Variants in SCAPER observed in about 807,000 individuals in gnomAD.
The protein encoded by SCAPER is S phase cyclin A-associated protein in the endoplasmic reticulum.
SCAPER carries 98 observed loss-of-function variants against 182.2 expected under a neutral mutation model. The ratio of observed to expected loss-of-function variants is 0.54; its 90% CI spans 0.46 to 0.64. The LOEUF (loss-of-function observed/expected upper bound fraction) is 0.64. Among genes scored for constraint, SCAPER ranks in the 30% least tolerant of loss-of-function variants. The pLI is 0.00. For synonymous variants in SCAPER, 605 were observed against 564.6 expected (o/e 1.07, Z -1.01); for missense variants, 1,432 against 1,690.0 (o/e 0.85, Z 2.68).
chr15:76,507,749 TAC>T (rs1272444916), intron 23 of SCAPER, among the ~76,000 whole-genome samples: 9 of 152,160 alleles, frequency 5.9e-5, no homozygotes, highest in Non-Finnish European at 1.3e-4. Flanking sequence ...AGACGACTCA[TAC>T]ACTTAAGATT....
intron 21 of SCAPER, among the ~76,000 whole-genome samples, chr15:76,641,018 G>A (rs1381401217): frequency 6.6e-6 from 1 of 152,138 alleles, no homozygotes; most frequent in Non-Finnish European, 1.5e-5. Context: ...TGTCCATATG[G>A]ATAAGATAGG....
chr15:76,668,580 G>A (rs1471437815), intron 20 of SCAPER, among the ~76,000 whole-genome samples: 2 of 152,150 alleles, frequency 1.3e-5, no homozygotes, highest in Admixed American at 6.5e-5. Flanking sequence ...ATTCTCTTGG[G>A]TATTTACGTG....
At position 76,890,169 on chromosome 15, in the gene SCAPER, TG is replaced by T. The variant is rs2074084630; in HGVS notation, c.-59-6294del. ...AATCTCTAGGACACATTTAACACAG[TG>T]GGTAGAGGGAAATTTATAGCACTAA... On this transcript the variant is annotated intron_variant, in intron 1 of 31. Transcript: ENST00000563290. Among the ~76,000 whole-genome samples the T allele has an allele frequency of 3.3e-5, 5 of 152,152 alleles. No homozygotes were observed. In the South Asian group the frequency reaches 1.0e-3, roughly 32 times the overall value.
chr15:76,356,556 T>C (rs1267247087), intron 29 of SCAPER, among the ~76,000 whole-genome samples: 1 of 152,112 alleles, frequency 6.6e-6, no homozygotes, highest in Non-Finnish European at 1.5e-5. Context: ...TTAAGAGACA[T>C]CTCAGATTTA....
intron 20 of SCAPER, among the ~76,000 whole-genome samples, chr15:76,673,677 T>A (rs1025901656): frequency 6.6e-6 from 1 of 152,138 alleles, no homozygotes; most frequent in Non-Finnish European, 1.5e-5. Context: ...CCAGTAGCAA[T>A]GAGCATCTCT....
intron 24 of SCAPER, among the ~76,000 whole-genome samples, chr15:76,477,441 C>T (rs1465095073): frequency 6.6e-6 from 1 of 152,048 alleles, no homozygotes; most frequent in Admixed American, 6.6e-5. Flanking sequence ...ACAGCACAAC[C>T]CATGTTTACA....
chr15:76,644,779 C>T (rs1024900670), intron 21 of SCAPER, among the ~76,000 whole-genome samples: 3 of 152,042 alleles, frequency 2.0e-5, no homozygotes, highest in African/African-American at 7.2e-5. Context: ...TATCACAGCT[C>T]CATTAAAGCA....
chr15:76,805,854 A>G (rs1015210054), intron 5 of SCAPER, among the ~76,000 whole-genome samples: 2 of 152,178 alleles, frequency 1.3e-5, no homozygotes, highest in African/African-American at 4.8e-5. Context: ...GGTGTGATCC[A>G]CCGTGCCCAG....
chr15:76,837,017 A>C (rs2069012656), intron 5 of SCAPER, among the ~76,000 whole-genome samples: 1 of 152,180 alleles, frequency 6.6e-6, no homozygotes, highest in African/African-American at 2.4e-5. Context: ...TTGCAACAAA[A>C]ACAAAAATAA....
chr15:76,608,806 G>C lies in SCAPER; in HGVS notation c.2711+12958C>G, dbSNP rs148615400. On this transcript the variant is annotated intron_variant, in intron 22 of 31. Transcript: ENST00000563290. ...CTAGCAATGAGTGAGACTCCGTTGG[G>C]GTAGGACCCTCTGAGCCAGGTGAGG... 3.2e-3 allele frequency among the ~76,000 whole-genome samples: 484 copies of C among 152,306 alleles called. 5 individuals carry two copies. The highest frequency in any genetic ancestry group is 0.011 in the African/African-American group (461 of 41,564).
intron 23 of SCAPER, among the ~76,000 whole-genome samples, chr15:76,572,489 T>C (rs986408081): frequency 1.8e-4 from 27 of 152,226 alleles, no homozygotes; most frequent in African/African-American, 6.5e-4. Flanking sequence ...CCACACTGAA[T>C]AGGCTGCTTT....
At chr15:76,540,026 A>C (rs1259417093) in intron 23 of SCAPER, among the ~76,000 whole-genome samples, 2 of 152,234 alleles carry the variant, frequency 1.3e-5, no homozygotes, top group African/African-American at 4.8e-5. Flanking sequence ...CAACTATTCC[A>C]TGGAATACTA....
chr15:76,766,796 A>C (rs2063143755), intron 11 of SCAPER, 122 bp downstream of exon 11: 2 of 761,668 alleles, frequency 2.6e-6, no homozygotes, highest in South Asian at 4.2e-5. Context: ...TGATTACTGA[A>C]CATGATTTTT....
chr15:76,603,074 G>A (rs2050047021), intron 22 of SCAPER, among the ~76,000 whole-genome samples: 1 of 109,082 alleles, frequency 9.2e-6, no homozygotes, highest in South Asian at 2.9e-4. Flanking sequence ...TAGGGTACAT[G>A]TGCACAACGT....
chr15:76,390,413 G>A (rs957319405), intron 27 of SCAPER, among the ~76,000 whole-genome samples: 1 of 152,200 alleles, frequency 6.6e-6, no homozygotes, highest in Non-Finnish European at 1.5e-5. Flanking sequence ...AAAGGACAAG[G>A]CCACTAAGAA....
intron 29 of SCAPER, among the ~76,000 whole-genome samples, chr15:76,372,265 T>C (rs1273871677): frequency 6.6e-6 from 1 of 152,222 alleles, no homozygotes; most frequent in African/African-American, 2.4e-5. Context: ...TGTATCCTCT[T>C]CTTCTCCAAC....
chr15:76,383,251 C>A (rs749450176), intron 27 of SCAPER, among the ~76,000 whole-genome samples: 1 of 152,172 alleles, frequency 6.6e-6, no homozygotes, highest in Non-Finnish European at 1.5e-5. Flanking sequence ...TAGAAGCACT[C>A]AAGAGGTGTC....
intron 1 of SCAPER, among the ~76,000 whole-genome samples, chr15:76,902,980 G>C (rs1036163429): frequency 3.3e-5 from 5 of 151,426 alleles, no homozygotes; most frequent in Non-Finnish European, 7.4e-5. Flanking sequence ...AAAATCGCTT[G>C]AACTTGGGAG....
rs190923865 is a variant in SCAPER, at chr15:76,428,573, C to T, written c.3311+5505G>A. Among the ~76,000 whole-genome samples the T allele has an allele frequency of 1.4e-4, 22 of 151,794 alleles. No homozygotes were observed. The East Asian group carries it at 3.7e-3, about 25-fold the overall frequency. ...TCTCACTCAAGTGTGTAATCTATAA[C>T]GAGAAGTTGAAGTTGGTATCCAGAA... On this transcript the variant is annotated intron_variant, in intron 26 of 31. Transcript: ENST00000563290.
Sources: gnomAD v4.1 joint callset for allele counts (sites outside exome capture counted in the v4.1 genomes callset) on GRCh38, gnomAD v4.1.1 for gene constraint, MANE v1.5 for transcripts, NCBI Gene and HGNC (gene_info 2026-07-23, HGNC 2026-07-21) for gene names.